MED27: variants seen among roughly 807,000 people sequenced by gnomAD.
MED27 encodes mediator of RNA polymerase II transcription subunit 27.
In MED27, 30 loss-of-function variants were observed where a neutral mutation model predicts 38.2. That is an observed-to-expected ratio of 0.79 (90% CI 0.59 to 1.07). The LOEUF (loss-of-function observed/expected upper bound fraction) is 1.07. MED27 is among the 50% of genes least tolerant of loss of function. MED27 has a pLI of 0.00. For missense variants in MED27, 289 were observed against 397.5 expected, an observed-to-expected ratio of 0.73 and a Z score of 2.32; for synonymous variants, 122 against 153.5, an observed-to-expected ratio of 0.79 and a Z score of 1.52.
intron 3 of MED27, among the ~76,000 whole-genome samples, chr9:131,975,854 A>G (rs1375499173): frequency 6.6e-6 from 1 of 152,238 alleles, no homozygotes; most frequent in Non-Finnish European, 1.5e-5. Context: ...GTCCTCACAG[A>G]TTCAAACATC....
rs551357204 is a variant in MED27 at position 132,077,632 on chromosome 9, C to A, written c.204-46G>T. ...GCAAATAAACCTAAGCCCATTTACACTCCAGGGTAAAGCCAGCCCCCAGGA... is the reference window on the plus strand; with the variant it reads ...GCAAATAAACCTAAGCCCATTTACAATCCAGGGTAAAGCCAGCCCCCAGGA... On this transcript the variant is annotated intron_variant, in intron 1 of 7. Coordinates refer to ENST00000292035, the MANE Select transcript of MED27 (RefSeq NM_004269.4). The A allele has an allele frequency of 3.7e-6, 6 of 1,604,622 alleles. No individual in the cohort carries two copies. In the African/African-American group the frequency reaches 8.0e-5, roughly 21 times the overall value.
chr9:131,959,158 G>A (rs772981204), intron 3 of MED27, among the ~76,000 whole-genome samples: 20 of 152,158 alleles, frequency 1.3e-4, no homozygotes, highest in Non-Finnish European at 2.5e-4. Flanking sequence ...AACTGCCTTG[G>A]TCCAATTCCC....
intron 3 of MED27, among the ~76,000 whole-genome samples, chr9:132,001,637 T>C (rs4439248): frequency 3.3e-5 from 5 of 152,228 alleles, no homozygotes; most frequent in Admixed American, 1.3e-4. Flanking sequence ...GCATTGATGA[T>C]ACCAGATACA....
chr9:131,921,917 G>C (rs567410599), intron 4 of MED27, among the ~76,000 whole-genome samples: 1 of 151,076 alleles, frequency 6.6e-6, no homozygotes, highest in Admixed American at 6.6e-5. Context: ...GCAAACTATC[G>C]CAAGGACAGA....
intron 2 of MED27, among the ~76,000 whole-genome samples, chr9:132,025,918 G>T (rs745432149): frequency 1.3e-5 from 2 of 152,154 alleles, no homozygotes; most frequent in African/African-American, 2.4e-5. Context: ...GGAAGAACTT[G>T]TATCTGATGA....
intron 4 of MED27, among the ~76,000 whole-genome samples, chr9:131,925,634 C>A (rs927565808): frequency 6.6e-6 from 1 of 152,108 alleles, no homozygotes; most frequent in Non-Finnish European, 1.5e-5. Flanking sequence ...CTGAAGATAA[C>A]ATATAATCCC....
At chr9:132,032,586 C>G (rs570155020) in intron 2 of MED27, among the ~76,000 whole-genome samples, 1 of 152,328 alleles carries the variant, frequency 6.6e-6, no homozygotes, top group Admixed American at 6.5e-5. Context: ...GACACATTTT[C>G]ATTTGCACCT....
At chr9:131,896,877 G>A (rs548125992) in intron 4 of MED27, among the ~76,000 whole-genome samples, 235 of 152,220 alleles carry the variant, frequency 1.5e-3, no homozygotes, top group African/African-American at 5.3e-3. Flanking sequence ...GATTACAGGC[G>A]TGCGCCACCA....
chr9:131,977,365 C>T (rs1194666299), intron 3 of MED27, among the ~76,000 whole-genome samples: 4 of 152,192 alleles, frequency 2.6e-5, no homozygotes, highest in Admixed American at 2.0e-4. Context: ...CTTGTCATTA[C>T]TACTGCAGCC....
intron 4 of MED27, among the ~76,000 whole-genome samples, chr9:131,900,334 G>T (rs999899030): frequency 6.6e-6 from 1 of 152,244 alleles, no homozygotes; most frequent in Non-Finnish European, 1.5e-5. Context: ...TCCACGAAGA[G>T]AATTTCTAAT....
intron 2 of MED27, among the ~76,000 whole-genome samples, chr9:132,037,666 T>C (rs915348428): frequency 1.3e-5 from 2 of 152,126 alleles, no homozygotes; most frequent in African/African-American, 4.8e-5. Context: ...TCGGTGGCAA[T>C]GACAGAAAAC....
chr9:132,077,407 C>T, intron 2 of MED27, 35 bp downstream of exon 2: 1 of 1,593,916 alleles, frequency 6.3e-7, no homozygotes, highest in Non-Finnish European at 8.5e-7. Context: ...ACTTGGTTTT[C>T]CATATATTAG....
chr9:132,068,849 T>C (rs1023795326), intron 2 of MED27, among the ~76,000 whole-genome samples: 2 of 152,172 alleles, frequency 1.3e-5, no homozygotes, highest in African/African-American at 2.4e-5. Context: ...GATGTCATTG[T>C]GTGTGGCTGG....
At chr9:131,967,064 G>C (rs1248578610) in intron 3 of MED27, among the ~76,000 whole-genome samples, 1 of 152,240 alleles carries the variant, frequency 6.6e-6, no homozygotes, top group Non-Finnish European at 1.5e-5. Context: ...GCTTGGCACA[G>C]GGTCTAGCAT....
At chr9:131,979,787 A>G (rs955328138) in intron 3 of MED27, among the ~76,000 whole-genome samples, 1 of 151,914 alleles carries the variant, frequency 6.6e-6, no homozygotes, top group East Asian at 1.9e-4. Context: ...GGTTCTGTCT[A>G]CTAGTCCATG....
At position 132,061,975 on chromosome 9, in the gene MED27, A is replaced by G. The variant is rs1833707354; in HGVS notation, c.348+15467T>C. Among the ~76,000 whole-genome samples, 5 of 152,216 alleles carry G rather than the reference A, an allele frequency of 3.3e-5. No homozygotes were observed. In the South Asian group the frequency reaches 1.0e-3, roughly 32 times the overall value. On this transcript the variant is annotated intron_variant, in intron 2 of 7. Coordinates refer to ENST00000292035, the MANE Select transcript of MED27 (RefSeq NM_004269.4). The stretch of plus-strand genomic sequence containing the variant: ...CTTCAGCAAGCCGAGCTGTGAGTGG[A>G]ATGCATAAGCCCAACACAGACATTG...
intron 5 of MED27, among the ~76,000 whole-genome samples, chr9:131,892,510 G>A (rs779552397): frequency 7.2e-5 from 11 of 152,136 alleles, no homozygotes; most frequent in East Asian, 1.9e-4. Context: ...CTAGTAGCAC[G>A]GTCCTGATTA....
At chr9:131,880,655 A>G (rs553071836) in intron 6 of MED27, among the ~76,000 whole-genome samples, 2 of 152,358 alleles carry the variant, frequency 1.3e-5, no homozygotes, top group Non-Finnish European at 2.9e-5. Context: ...ACTGGAAGGA[A>G]GGAATTGGCG....
intron 2 of MED27, among the ~76,000 whole-genome samples, chr9:132,070,067 T>C (rs560542214): frequency 4.6e-5 from 7 of 152,304 alleles, no homozygotes; most frequent in African/African-American, 1.4e-4. Flanking sequence ...GTTATCCACA[T>C]TGAACAGAGG....
Sources: gnomAD v4.1 joint callset for allele counts (sites outside exome capture counted in the v4.1 genomes callset) on GRCh38, gnomAD v4.1.1 for gene constraint, MANE v1.5 for transcripts, NCBI Gene and HGNC (gene_info 2026-07-23, HGNC 2026-07-21) for gene names.